Variants in PTPRK observed in about 807,000 individuals in gnomAD.
The protein encoded by PTPRK is protein tyrosine phosphatase receptor type K.
PTPRK carries 75 observed loss-of-function variants against 178.0 expected under a neutral mutation model. That is an observed-to-expected ratio of 0.42 (90% CI 0.35 to 0.51). PTPRK has a LOEUF of 0.51. Ranked by LOEUF, PTPRK falls within the 20% of genes least tolerant of loss-of-function variation. The pLI, the probability that PTPRK is intolerant of heterozygous loss-of-function variation, is 0.02. For missense variants in PTPRK, 1,441 were observed against 1,797.8 expected, an observed-to-expected ratio of 0.80 and a Z score of 3.59; for synonymous variants, 637 against 620.6, an observed-to-expected ratio of 1.03 and a Z score of -0.39.
chr6:128,180,118 C>G (rs1303766863), intron 7 of PTPRK, among the ~76,000 whole-genome samples: 1 of 151,998 alleles, frequency 6.6e-6, no homozygotes, highest in African/African-American at 2.4e-5. Flanking sequence ...AAAGCAGTTC[C>G]ACAATGGGTT....
chr6:128,259,736 T>C (rs1360651191), intron 3 of PTPRK, among the ~76,000 whole-genome samples: 1 of 152,122 alleles, frequency 6.6e-6, no homozygotes, highest in Non-Finnish European at 1.5e-5. Flanking sequence ...AAATCATAAA[T>C]CCCTAGGAAA....
intron 3 of PTPRK, among the ~76,000 whole-genome samples, chr6:128,295,378 ATT>A (rs1824146194): frequency 6.6e-6 from 1 of 152,240 alleles, no homozygotes; most frequent in African/African-American, 2.4e-5. Context: ...GATTGCAAGT[ATT>A]TCTCAAGTGA....
intron 7 of PTPRK, among the ~76,000 whole-genome samples, chr6:128,095,221 T>C (rs1021323248): frequency 6.6e-6 from 1 of 152,196 alleles, no homozygotes; most frequent in Non-Finnish European, 1.5e-5. Context: ...AGGTGATGGA[T>C]AAGTAGCTTC....
chr6:128,317,785 A>AG (rs1431359299), intron 3 of PTPRK, among the ~76,000 whole-genome samples: 1 of 152,108 alleles, frequency 6.6e-6, no homozygotes, highest in Non-Finnish European at 1.5e-5. Flanking sequence ...CTTTATTATC[A>AG]GGGAGGAACA....
chr6:128,501,435 GA>G (rs1855544160), intron 1 of PTPRK, among the ~76,000 whole-genome samples: 1 of 151,258 alleles, frequency 6.6e-6, no homozygotes, highest in Non-Finnish European at 1.5e-5. Flanking sequence ...CATTAAAAGG[GA>G]AAAAATACAT....
intron 9 of PTPRK, 38 bp from the exon 10 acceptor site, chr6:128,082,676 C>T: frequency 6.9e-7 from 1 of 1,441,270 alleles, no homozygotes; most frequent in Non-Finnish European, 9.5e-7. Flanking sequence ...ATCTAGTATC[C>T]ATCATAAGAA....
intron 1 of PTPRK, among the ~76,000 whole-genome samples, chr6:128,454,145 A>G (rs1447516433): frequency 6.6e-6 from 1 of 152,198 alleles, no homozygotes; most frequent in Admixed American, 6.6e-5. Flanking sequence ...GTGAGGACAT[A>G]GCCAGAAGAC....
chr6:128,370,777 A>G (rs1836165027), intron 2 of PTPRK, among the ~76,000 whole-genome samples: 1 of 152,198 alleles, frequency 6.6e-6, no homozygotes. Context: ...TACTTCAAAG[A>G]TTAAAAGATT....
chr6:128,077,242 C>G (rs1783997472), intron 11 of PTPRK, among the ~76,000 whole-genome samples: 1 of 151,970 alleles, frequency 6.6e-6, no homozygotes, highest in African/African-American at 2.4e-5. Flanking sequence ...TGAGTGCAGG[C>G]ATTTTCTCTT....
At chr6:128,127,617 A>G (rs1418417844) in intron 7 of PTPRK, among the ~76,000 whole-genome samples, 1 of 152,230 alleles carries the variant, frequency 6.6e-6, no homozygotes, top group Non-Finnish European at 1.5e-5. Context: ...ATGCAAGGTC[A>G]CAATGTTACC....
At chr6:128,403,082 A>C (rs1044409295) in intron 1 of PTPRK, among the ~76,000 whole-genome samples, 3 of 152,214 alleles carry the variant, frequency 2.0e-5, no homozygotes, top group Non-Finnish European at 2.9e-5. Flanking sequence ...ATGACAGAAG[A>C]ACTCACTTCA....
intron 6 of PTPRK, among the ~76,000 whole-genome samples, chr6:128,216,397 C>T (rs912559619): frequency 4.0e-5 from 6 of 151,696 alleles, no homozygotes; most frequent in South Asian, 4.2e-4. Context: ...TAGCTGGGTG[C>T]GGTGGCACAC....
At chr6:128,042,604 G>A (rs754782590) in intron 13 of PTPRK, among the ~76,000 whole-genome samples, 7 of 151,848 alleles carry the variant, frequency 4.6e-5, no homozygotes, top group Non-Finnish European at 8.8e-5. Context: ...GATTACACTC[G>A]ATCTACCTGG....
chr6:127,981,346 C>T (rs1775318007), intron 24 of PTPRK, 57 bp from the exon 25 acceptor site: 15 of 1,446,068 alleles, frequency 1.0e-5, no homozygotes, highest in Non-Finnish European at 1.4e-5. Flanking sequence ...AACAGTATAA[C>T]ACAGATCCAT....
chr6:128,170,856 T>C (rs1052863316), intron 7 of PTPRK, among the ~76,000 whole-genome samples: 16 of 151,428 alleles, frequency 1.1e-4, no homozygotes, highest in African/African-American at 3.2e-4. Flanking sequence ...GCTAGTGTTA[T>C]AGATATTGCA....
At chr6:128,434,258 A>G (rs1000372753) in intron 1 of PTPRK, among the ~76,000 whole-genome samples, 1 of 152,182 alleles carries the variant, frequency 6.6e-6, no homozygotes, top group African/African-American at 2.4e-5. Flanking sequence ...CTCTGAGTAC[A>G]ATTGTATAAT....
chr6:128,274,786 A>T (rs1338851087), intron 3 of PTPRK, among the ~76,000 whole-genome samples: 1 of 152,084 alleles, frequency 6.6e-6, no homozygotes, highest in Non-Finnish European at 1.5e-5. Context: ...AGTCTGGCTA[A>T]AATTAATGTC....
chr6:128,058,990 G>A (rs554957949), intron 13 of PTPRK, among the ~76,000 whole-genome samples: 110 of 152,006 alleles, frequency 7.2e-4, no homozygotes, highest in Non-Finnish European at 1.4e-3. Flanking sequence ...ACGTGTGTGT[G>A]CATCTATTAC....
At chr6:128,344,666 C>A (rs544269021) in intron 2 of PTPRK, among the ~76,000 whole-genome samples, 1 of 152,148 alleles carries the variant, frequency 6.6e-6, no homozygotes, top group African/African-American at 2.4e-5. Flanking sequence ...TAGGCACACA[C>A]CATCAAACTG....
Sources: allele counts gnomAD v4.1 joint callset (sites outside exome capture counted in the v4.1 genomes callset), GRCh38; gene constraint gnomAD v4.1.1; transcripts MANE v1.5; gene names NCBI Gene and HGNC (gene_info 2026-07-23, HGNC 2026-07-21).